The following SOS2 variants were observed in gnomAD, a reference collection of about 807,000 sequenced individuals.
SOS2 encodes the protein SOS Ras/Rho guanine nucleotide exchange factor 2, also known as son of sevenless homolog 2.
Under a neutral mutation model 148.2 loss-of-function variants are expected in SOS2, and 65 were observed. That is an observed-to-expected ratio of 0.44 (90% CI 0.36 to 0.54). The LOEUF (loss-of-function observed/expected upper bound fraction) is 0.54, where lower values mean the gene tolerates loss of function less well. Ranked by LOEUF, SOS2 falls within the 20% of genes least tolerant of loss-of-function variation. SOS2 has a pLI of 0.00. For synonymous variants in SOS2, 539 were observed against 537.1 expected (o/e 1.00, Z -0.05); for missense variants, 1,341 against 1,590.2 (o/e 0.84, Z 2.67).
At chr14:50,148,180 G>C in intron 14 of SOS2, among the ~76,000 whole-genome samples, 1 of 152,138 alleles carries the variant, frequency 6.6e-6, no homozygotes, top group East Asian at 1.9e-4. Context: ...GGGAGGCTGA[G>C]GTGGGTGGAT....
intron 1 of SOS2, among the ~76,000 whole-genome samples, chr14:50,220,144 T>C (rs1887156028): frequency 6.7e-6 from 1 of 149,888 alleles, no homozygotes; most frequent in Non-Finnish European, 1.5e-5. Context: ...CTCACGCCTG[T>C]AATCCCAGCA....
chr14:50,190,842 C>T (rs968217678), intron 4 of SOS2, among the ~76,000 whole-genome samples: 3 of 152,160 alleles, frequency 2.0e-5, no homozygotes, highest in Non-Finnish European at 4.4e-5. Context: ...TTCCCAGCCA[C>T]TTTAAATTTA....
intron 14 of SOS2, among the ~76,000 whole-genome samples, chr14:50,148,481 T>C (rs1884563616): frequency 6.6e-6 from 1 of 151,974 alleles, no homozygotes; most frequent in African/African-American, 2.4e-5. Context: ...GTCCTGAAAG[T>C]AGGTCCACAT....
At chr14:50,228,408 GGGT>G (rs1887445102) in intron 1 of SOS2, among the ~76,000 whole-genome samples, 1 of 151,924 alleles carries the variant, frequency 6.6e-6, no homozygotes, top group Non-Finnish European at 1.5e-5. Context: ...GTTTCTTGTA[GGGT>G]ATTAACTAAT....
At chr14:50,130,069 C>T (rs1883816867) in intron 20 of SOS2, 67 bp from the exon 21 acceptor site, 1 of 1,001,644 alleles carries the variant, frequency 1.0e-6, no homozygotes, top group Non-Finnish European at 1.5e-6. Context: ...TTAAATGTTT[C>T]CATAAATAAT....
chr14:50,190,720 A>T (rs947795816), intron 4 of SOS2, among the ~76,000 whole-genome samples: 2 of 152,118 alleles, frequency 1.3e-5, no homozygotes, highest in Non-Finnish European at 2.9e-5. Context: ...TCATAATTTA[A>T]CTCCAACCCA....
At chr14:50,228,123 C>T (rs933102670) in intron 1 of SOS2, among the ~76,000 whole-genome samples, 1 of 150,094 alleles carries the variant, frequency 6.7e-6, no homozygotes, top group Non-Finnish European at 1.5e-5. Context: ...CTCACTGCAA[C>T]CTCTGCCTAG....
intron 8 of SOS2, among the ~76,000 whole-genome samples, chr14:50,167,003 T>C (rs1256131410): frequency 6.6e-6 from 1 of 151,998 alleles, no homozygotes; most frequent in Non-Finnish European, 1.5e-5. Flanking sequence ...AGGCCAGAAG[T>C]TTGAGATCAG....
intron 13 of SOS2, 26 bp from the exon 14 acceptor site, chr14:50,150,256 A>T (rs982542990): frequency 7.0e-7 from 1 of 1,433,084 alleles, no homozygotes; most frequent in Non-Finnish European, 9.8e-7. Context: ...ATAAAGAAAA[A>T]TGTCTTTTAC....
Position 50,161,330 on chromosome 14 carries a change from G to C in SOS2, c.1196+152C>G, listed in dbSNP as rs1885003128. The C allele has an allele frequency of 6.7e-6, 4 of 598,632 alleles. No homozygotes were observed. In the Admixed American group the frequency reaches 1.4e-4, roughly 21 times the overall value. 37.1% of individuals were successfully genotyped at this position (598,632 alleles called of 1,614,324 possible). A position where few individuals can be genotyped will look rare whatever the true frequency, so the allele number is the denominator to read the frequency against. On this transcript the variant is annotated intron_variant, in intron 9 of 22. Coordinates refer to ENST00000216373, the MANE Select transcript of SOS2 (RefSeq NM_006939.4). ...AAAAGGAAAGGAAAAGGAAAAAAGA[G>C]AGTAAAAGACCAACATAAAAGTATA...
intron 4 of SOS2, among the ~76,000 whole-genome samples, chr14:50,195,796 C>T (rs548414064): frequency 5.1e-4 from 77 of 151,698 alleles, no homozygotes; most frequent in Non-Finnish European, 1.5e-4. Flanking sequence ...TTTGGAAGGC[C>T]GAGGCAGGCA....
chr14:50,126,400 AG>A (rs1360381803), intron 21 of SOS2, among the ~76,000 whole-genome samples: 1 of 152,182 alleles, frequency 6.6e-6, no homozygotes, highest in African/African-American at 2.4e-5. Context: ...AACCCTGCCC[AG>A]CCACTGGATA....
intron 19 of SOS2, among the ~76,000 whole-genome samples, chr14:50,133,242 C>CTTTTCTTTTTTTTTT (rs1883954910): frequency 1.3e-5 from 1 of 78,816 alleles, no homozygotes; most frequent in South Asian, 3.8e-4. Flanking sequence ...TTTCTTTTTT[C>CTTTTCTTTTTTTTTT]TTTTTTCTTT....
chr14:50,220,128 C>T (rs553408604), intron 1 of SOS2, among the ~76,000 whole-genome samples: 4 of 150,278 alleles, frequency 2.7e-5, no homozygotes, highest in East Asian at 2.0e-4. Flanking sequence ...GGGCCAGGCG[C>T]GGTGGCTCAC....
chr14:50,196,556 T>C (rs919884223), intron 4 of SOS2, among the ~76,000 whole-genome samples: 8 of 152,132 alleles, frequency 5.3e-5, no homozygotes, highest in Non-Finnish European at 1.0e-4. Context: ...ACCATCCCCA[T>C]TTCCCCCACT....
At chr14:50,204,484 T>C (rs886337293) in intron 1 of SOS2, 75 bp from the exon 2 acceptor site, 22 of 880,260 alleles carry the variant, frequency 2.5e-5, no homozygotes, top group Admixed American at 2.1e-4. Flanking sequence ...GAATCTTATA[T>C]ATAATATTTT....
chr14:50,156,963 G>T, intron 12 of SOS2, 36 bp downstream of exon 12: 3 of 1,022,894 alleles, frequency 2.9e-6, no homozygotes, highest in African/African-American at 1.6e-5. Context: ...ATATATATGT[G>T]TATATATATA....
intron 1 of SOS2, among the ~76,000 whole-genome samples, chr14:50,206,888 C>T (rs145216486): frequency 8.5e-5 from 13 of 152,274 alleles, no homozygotes; most frequent in African/African-American, 2.9e-4. Flanking sequence ...TCATGGCTCA[C>T]TGTAGCCTTG....
In SOS2 at chr14:50,231,189, G is replaced by A. The variant is rs762852067; in HGVS notation, c.87+8C>T. The A allele has an allele frequency of 2.1e-6, 3 of 1,459,374 alleles. No homozygotes were observed. Among genetic ancestry groups the A allele is most frequent in the Non-Finnish European group, 2.8e-6 (3 of 1,087,450 alleles). 90.4% of individuals were successfully genotyped at this position (1,459,374 alleles called of 1,614,324 possible). ...CCACCCGCCGGCCGCCCCGCCCCTA[G>A]CACTGACCTTCCGCAGGGCCGAGAC... On this transcript the variant is annotated splice_region_variant and intron_variant, in intron 1 of 22. Transcript: ENST00000216373.
Sources: gnomAD v4.1 joint callset for allele counts (sites outside exome capture counted in the v4.1 genomes callset) on GRCh38, gnomAD v4.1.1 for gene constraint, MANE v1.5 for transcripts, NCBI Gene and HGNC (gene_info 2026-07-23, HGNC 2026-07-21) for gene names.